Variants in PCDHGA9 observed in about 807,000 individuals in gnomAD.
PCDHGA9 encodes protocadherin gamma subfamily A, 9, also known as protocadherin gamma-A9.
In PCDHGA9, 37 loss-of-function variants were observed where a neutral mutation model predicts 62.5. The observed-to-expected ratio is 0.59, with a 90% CI of 0.46 to 0.78. The LOEUF is 0.78. Among genes scored for constraint, PCDHGA9 ranks in the 30% least tolerant of loss-of-function variants. The pLI, the probability that PCDHGA9 is intolerant of heterozygous loss-of-function variation, is 0.00. For synonymous variants in PCDHGA9, 459 were observed against 484.6 expected, an observed-to-expected ratio of 0.95 and a Z score of 0.69; for missense variants, 1,138 against 1,166.2, an observed-to-expected ratio of 0.98 and a Z score of 0.35.
intron 1 of PCDHGA9, among the ~76,000 whole-genome samples, chr5:141,480,272 G>T (rs903112862): frequency 7.2e-6 from 1 of 138,796 alleles, no homozygotes; most frequent in Non-Finnish European, 1.5e-5. Flanking sequence ...TTCATTAGCT[G>T]GGTGTGTTGG....
chr5:141,434,870 C>G (rs1263324193), intron 1 of PCDHGA9, among the ~76,000 whole-genome samples: 3 of 151,726 alleles, frequency 2.0e-5, no homozygotes, highest in Non-Finnish European at 1.5e-5. Flanking sequence ...ATATATGTGA[C>G]AGATACCAAC....
chr5:141,403,634 A>T lies in PCDHGA9; in HGVS notation c.682A>T (p.Ile228Phe). ...GEPRRSSTVR[I>F]HVTVLDTNDN... Reference sequence around the variant, plus strand: ...GCCGCGTCGCTCCAGCACAGTGCGCATCCATGTGACAGTGTTGGATACAAA... The same window carrying T: ...GCCGCGTCGCTCCAGCACAGTGCGCTTCCATGTGACAGTGTTGGATACAAA... The change falls in exon 1 of 4, where the codon ATC becomes TTC. Residue 228 changes from isoleucine (I) to phenylalanine (F), a missense_variant. By Grantham distance (21) the Ile-to-Phe change is conservative. Coordinates refer to ENST00000573521, the MANE Select transcript of PCDHGA9 (RefSeq NM_018921.3). 1 of 1,613,920 alleles carries T rather than the reference A, an allele frequency of 6.2e-7. No individual in the cohort carries two copies. The highest frequency in any genetic ancestry group is 8.5e-7 in the Non-Finnish European group (1 of 1,179,896).
chr5:141,504,583 A>C (rs1230825472), intron 2 of PCDHGA9, among the ~76,000 whole-genome samples: 5 of 146,622 alleles, frequency 3.4e-5, no homozygotes, highest in Non-Finnish European at 7.4e-5. Context: ...CCATCTGCCC[A>C]GGATTCACAG....
At position 141,490,276 on chromosome 5, in the gene PCDHGA9, A is replaced by T; in HGVS notation, c.2425-4531A>T. 1 of 1,614,236 alleles carries T rather than the reference A, an allele frequency of 6.2e-7. No individual in the cohort carries two copies. Among genetic ancestry groups the T allele is most frequent in the Non-Finnish European group, 8.5e-7 (1 of 1,180,036 alleles). On this transcript the variant is annotated intron_variant, in intron 1 of 3. Transcript: ENST00000573521. This position sits in a 1 kb window ranked among gnomAD's most constrained non-coding sequence, Gnocchi z 5.4. ...AGTGGATGTGGGGGATGTCAATGACAATGCCCCAGAGGTGCTATTGGCCTC... is the reference window on the plus strand; with the variant it reads ...AGTGGATGTGGGGGATGTCAATGACTATGCCCCAGAGGTGCTATTGGCCTC...
At chr5:141,409,681 G>A in intron 1 of PCDHGA9, 1 of 1,613,368 alleles carries the variant, frequency 6.2e-7, no homozygotes, top group South Asian at 1.1e-5. Flanking sequence ...CTATAGTGGC[G>A]AGTGACCTAG....
chr5:141,418,832 G>A, intron 1 of PCDHGA9: 1 of 1,614,008 alleles, frequency 6.2e-7, no homozygotes, highest in Non-Finnish European at 8.5e-7. Flanking sequence ...AAAAGACCGA[G>A]GATCTCTCTC....
chr5:141,484,949 A>C, intron 1 of PCDHGA9: 1 of 557,400 alleles, frequency 1.8e-6, no homozygotes, highest in Non-Finnish European at 3.2e-6. Context: ...TGCTCAGCCT[A>C]TTGGCTGAGC....
Position 141,477,483 on chromosome 5 carries a change from A to G in PCDHGA9, c.2425-17324A>G. The G allele has an allele frequency of 6.2e-7, 1 of 1,614,028 alleles. No individual in the cohort carries two copies. On this transcript the variant is annotated intron_variant, in intron 1 of 3. Coordinates refer to ENST00000573521, the MANE Select transcript of PCDHGA9 (RefSeq NM_018921.3). The surrounding 1 kb of genome is among the most constrained non-coding windows in gnomAD (Gnocchi z 4.9). ...TCCGACATCAATGACAACCCTCCAC[A>G]ATCTTCTCAATCTTCCTACGACGTT...
intron 1 of PCDHGA9, among the ~76,000 whole-genome samples, chr5:141,450,830 T>TTTA (rs1554136905): frequency 6.9e-5 from 7 of 101,548 alleles, no homozygotes; most frequent in East Asian, 2.6e-4. Flanking sequence ...ATTATTATTA[T>TTTA]TTTTTTTTTT....
chr5:141,448,439 C>T (rs182359185), intron 1 of PCDHGA9, among the ~76,000 whole-genome samples: 7 of 152,232 alleles, frequency 4.6e-5, no homozygotes, highest in Admixed American at 4.6e-4. Context: ...ATTGAGAAGT[C>T]TGACTTCCAT....
At chr5:141,406,116 AG>A (rs982166274) in intron 1 of PCDHGA9, among the ~76,000 whole-genome samples, 4 of 147,788 alleles carry the variant, frequency 2.7e-5, no homozygotes, top group African/African-American at 1.0e-4. Context: ...TCTGTTGTCC[AG>A]GGTGGAATGC....
chr5:141,471,843 T>C (rs1471729261), intron 1 of PCDHGA9, among the ~76,000 whole-genome samples: 2 of 152,166 alleles, frequency 1.3e-5, no homozygotes, highest in Admixed American at 6.5e-5. Context: ...TTTAATAAAA[T>C]ATTCAGAAAA....
chr5:141,431,424 G>T lies in PCDHGA9; in HGVS notation c.2424+26048G>T, dbSNP rs747132868. 6.8e-6 allele frequency: 11 copies of T among 1,613,676 alleles called. No homozygotes were observed. The highest frequency in any genetic ancestry group is 5.9e-6 in the Non-Finnish European group (7 of 1,180,028). On this transcript the variant is annotated intron_variant, in intron 1 of 3. Coordinates refer to ENST00000573521, the MANE Select transcript of PCDHGA9 (RefSeq NM_018921.3). The surrounding 1 kb of genome is among the most constrained non-coding windows in gnomAD (Gnocchi z 4.8). ...GCCTCCGACGGGGGCGACCCGGTGC[G>T]CACAGGCACCGCGCGCATCCGCGTG...
At chr5:141,440,030 G>A (rs780807702) in intron 1 of PCDHGA9, 2 of 153,028 alleles carry the variant, frequency 1.3e-5, no homozygotes, top group African/African-American at 2.4e-5. Context: ...ACTCAGTGTC[G>A]AGGACATGCC....
chr5:141,482,000 G>A (rs1421859839), intron 1 of PCDHGA9, among the ~76,000 whole-genome samples: 8 of 150,854 alleles, frequency 5.3e-5, no homozygotes, highest in East Asian at 1.9e-4. Flanking sequence ...CAGGAGAATC[G>A]CTTTATCTCA....
chr5:141,414,517 G>C, intron 1 of PCDHGA9: 1 of 1,613,964 alleles, frequency 6.2e-7, no homozygotes, highest in South Asian at 1.1e-5. Context: ...ACAAGTGGCA[G>C]ATATCAATGA....
chr5:141,427,671 A>T (rs1441504057), intron 1 of PCDHGA9: 1 of 798,486 alleles, frequency 1.3e-6, no homozygotes, highest in East Asian at 2.6e-5. Flanking sequence ...GGCCGAAAAC[A>T]ACCTTCCCGG....
intron 1 of PCDHGA9, among the ~76,000 whole-genome samples, chr5:141,480,106 A>C (rs1466691134): frequency 6.6e-6 from 1 of 152,196 alleles, no homozygotes; most frequent in Non-Finnish European, 1.5e-5. Context: ...AGTGTTTAGC[A>C]TGGTGCCTGG....
In PCDHGA9 at chr5:141,491,928, G is replaced by T; in HGVS notation, c.2425-2879G>T. 1 of 1,301,482 alleles carries T rather than the reference G, an allele frequency of 7.7e-7. No homozygotes were observed. Among genetic ancestry groups the T allele is most frequent in the South Asian group, 1.6e-5 (1 of 63,466 alleles). 80.6% of individuals were successfully genotyped at this position (1,301,482 alleles called of 1,614,324 possible). A position where few individuals can be genotyped will look rare whatever the true frequency, so the allele number is the denominator to read the frequency against. On this transcript the variant is annotated intron_variant, in intron 1 of 3. Coordinates refer to ENST00000573521, the MANE Select transcript of PCDHGA9 (RefSeq NM_018921.3). The surrounding 1 kb of genome is among the most constrained non-coding windows in gnomAD (Gnocchi z 6.9). ...TGGTGGCGACTGTGGGCGAGGGGAG[G>T]TGGGACCGACCCCCACCCCTACACT... is the stretch of plus-strand genomic sequence containing the variant.
Sources: allele counts gnomAD v4.1 joint callset (sites outside exome capture counted in the v4.1 genomes callset), GRCh38; gene constraint gnomAD v4.1.1; non-coding constraint Gnocchi (gnomAD v3.1); transcripts MANE v1.5; gene names NCBI Gene and HGNC (gene_info 2026-07-23, HGNC 2026-07-21).